The following PC variants were observed in gnomAD, a reference collection of about 807,000 sequenced individuals.
The protein encoded by PC is pyruvate carboxylase, mitochondrial.
A neutral mutation model predicts 107.8 loss-of-function variants in PC; 46 were observed. That is an observed-to-expected ratio of 0.43 (90% CI 0.34 to 0.55). The LOEUF is 0.55. Ranked by LOEUF, PC falls within the 20% of genes least tolerant of loss-of-function variation. The pLI is 0.04. For missense variants in PC, 1,241 were observed against 1,643.1 expected, an observed-to-expected ratio of 0.76 and a Z score of 4.23; for synonymous variants, 662 against 684.7, an observed-to-expected ratio of 0.97 and a Z score of 0.52.
chr11:66,932,638 G>A (rs901906517), intron 3 of PC, among the ~76,000 whole-genome samples: 1 of 152,136 alleles, frequency 6.6e-6, no homozygotes, highest in Admixed American at 6.5e-5. Context: ...ATCTGGCCCT[G>A]GGGGGAAAGC....
At chr11:66,899,608 CCTCCCAT>C (rs1375151787) in intron 3 of PC, among the ~76,000 whole-genome samples, 2 of 151,654 alleles carry the variant, frequency 1.3e-5, no homozygotes, top group East Asian at 2.0e-4. Context: ...CTCAAGCCAT[CCTCCCAT>C]GTGAGCCACC....
chr11:66,948,655 T>A (rs981026515), intron 3 of PC, among the ~76,000 whole-genome samples: 1 of 152,026 alleles, frequency 6.6e-6, no homozygotes, highest in Non-Finnish European at 1.5e-5. Flanking sequence ...GCCTGGGCAA[T>A]GTGGTGAAAC....
chr11:66,909,243 T>C lies in PC; in HGVS notation c.1-37084A>G, dbSNP rs12417067. 7.2e-3 allele frequency among the ~76,000 whole-genome samples: 1,091 copies of C among 152,302 alleles called. 10 individuals are homozygous for C. The highest frequency in any genetic ancestry group is 0.017 in the Middle Eastern group (5 of 294). ...CTTGAGATTTGCCTTCTGGCTGGTG[T>C]GCTGCTGGTGTGGGGCCAGAGCTGG... On this transcript the variant is annotated intron_variant, in intron 3 of 22. Coordinates refer to ENST00000393960, the MANE Select transcript of PC (RefSeq NM_001040716.2).
intron 3 of PC, among the ~76,000 whole-genome samples, chr11:66,905,727 G>C (rs1948143463): frequency 1.3e-5 from 2 of 152,294 alleles, no homozygotes; most frequent in South Asian, 2.1e-4. Context: ...GCATAGAAGT[G>C]ACAGCCAAAG....
chr11:66,871,582 C>T lies in PC; in HGVS notation c.322-102G>A, dbSNP rs916305029. Reference sequence around the variant, plus strand: ...ACCTGCTGAGCTGCATCCGTTTACCCACCCACGCACAGAGGCGCTGAGCAC... The same window carrying T: ...ACCTGCTGAGCTGCATCCGTTTACCTACCCACGCACAGAGGCGCTGAGCAC... On this transcript the variant is annotated intron_variant, in intron 5 of 22. Coordinates refer to ENST00000393960, the MANE Select transcript of PC (RefSeq NM_001040716.2). The surrounding 1 kb of genome is among the most constrained non-coding windows in gnomAD (Gnocchi z 7.4). 1.1e-5 allele frequency: 18 copies of T among 1,583,426 alleles called. No individual in the cohort carries two copies. Among genetic ancestry groups the T allele is most frequent in the Non-Finnish European group, 1.4e-5 (16 of 1,155,940 alleles).
chr11:66,898,149 G>T (rs1479870851), intron 3 of PC, among the ~76,000 whole-genome samples: 1 of 152,138 alleles, frequency 6.6e-6, no homozygotes, highest in Admixed American at 6.5e-5. Context: ...TTTTCTTCTG[G>T]AGCTGGGGTC....
intron 3 of PC, among the ~76,000 whole-genome samples, chr11:66,940,161 A>G (rs1013907517): frequency 1.8e-4 from 28 of 152,110 alleles, no homozygotes; most frequent in African/African-American, 6.5e-4. Context: ...GTATCTGATA[A>G]GGGATTAATA....
chr11:66,935,672 A>AC (rs1948980110), intron 3 of PC, among the ~76,000 whole-genome samples: 1 of 152,214 alleles, frequency 6.6e-6, no homozygotes, highest in Admixed American at 6.5e-5. Context: ...TGCTGCTGTC[A>AC]GAGCTTGGCT....
chr11:66,858,282 C>T lies in PC; in HGVS notation c.1369-4899G>A, dbSNP rs1457186927. On this transcript the variant is annotated intron_variant, in intron 12 of 22. Transcript: ENST00000393960. The surrounding 1 kb of genome is among the most constrained non-coding windows in gnomAD (Gnocchi z 5.9). ...GCACACCCTCAACCTGGACCATAAC[C>T]TTATTGACGCACTGCCCCCAGGCGC... 2 of 1,611,862 alleles carry T rather than the reference C, an allele frequency of 1.2e-6. No homozygotes were observed. Among genetic ancestry groups the T allele is most frequent in the Admixed American group, 1.7e-5 (1 of 60,024 alleles).
chr11:66,951,585 A>G (rs1479330096), intron 3 of PC, among the ~76,000 whole-genome samples: 1 of 152,050 alleles, frequency 6.6e-6, no homozygotes, highest in Non-Finnish European at 1.5e-5. Flanking sequence ...GTAAAATCCC[A>G]TCTCTACTAA....
In PC at chr11:66,850,927, G is replaced by A. The variant is rs750993796; in HGVS notation, c.2224-4C>T. ...GCTTCAGCAGCCCGGCCATGTCCTGGGGGAAGTGGGAGAGAGAGAGAGAGA... is the reference window on the plus strand; with the variant it reads ...GCTTCAGCAGCCCGGCCATGTCCTGAGGGAAGTGGGAGAGAGAGAGAGAGA... On this transcript the variant is annotated splice_polypyrimidine_tract_variant and splice_region_variant and intron_variant, in intron 17 of 22. Transcript: ENST00000393960. 6.2e-6 allele frequency: 10 copies of A among 1,608,342 alleles called. No individual in the cohort carries two copies. In the East Asian group the frequency reaches 2.2e-4, roughly 36 times the overall value.
rs1366727255 is a variant in PC, at chr11:66,867,529, C to G, written c.1023-1180G>C. Reference sequence around the variant, plus strand: ...CAGAGATGACAGCTTCCACTCAGTGCCACAGGCCAGGCTGCACTCCTCCCA... The same window carrying G: ...CAGAGATGACAGCTTCCACTCAGTGGCACAGGCCAGGCTGCACTCCTCCCA... On this transcript the variant is annotated intron_variant, in intron 10 of 22. Transcript: ENST00000393960. Among the ~76,000 whole-genome samples the G allele has an allele frequency of 2.6e-5, 4 of 152,306 alleles. No homozygotes were observed. The East Asian group carries it at 7.7e-4, about 29-fold the overall frequency.
chr11:66,944,353 C>A (rs1247607787), intron 3 of PC, among the ~76,000 whole-genome samples: 1 of 114,996 alleles, frequency 8.7e-6, no homozygotes, highest in African/African-American at 3.1e-5. Flanking sequence ...CCAAGGCAGG[C>A]GGATCACTTG....
Position 66,906,001 on chromosome 11 carries a change from T to C in PC, c.1-33842A>G, listed in dbSNP as rs1187220424. On this transcript the variant is annotated intron_variant, in intron 3 of 22. Coordinates refer to ENST00000393960, the MANE Select transcript of PC (RefSeq NM_001040716.2). ...GGTCTTAAGAGGGGCAAACAAATAC[T>C]GCTAGTATGTCACAGCACAGGAGCC... Among the ~76,000 whole-genome samples, 4 of 150,868 alleles carry C rather than the reference T, an allele frequency of 2.7e-5. No individual in the cohort carries two copies. The East Asian group carries it at 7.9e-4, about 30-fold the overall frequency.
chr11:66,872,975 T>G (rs1946801582), intron 3 of PC, among the ~76,000 whole-genome samples: 2 of 150,610 alleles, frequency 1.3e-5, no homozygotes, highest in Non-Finnish European at 2.9e-5. Context: ...AGACAGAGGT[T>G]GCAGTGAGCT....
intron 9 of PC, among the ~76,000 whole-genome samples, chr11:66,869,322 C>T (rs1946629168): frequency 6.6e-6 from 1 of 151,770 alleles, no homozygotes. Flanking sequence ...GACACGGAGA[C>T]CCAGGCCTCT....
At chr11:66,931,045 A>G (rs1235814386) in intron 3 of PC, among the ~76,000 whole-genome samples, 2 of 152,078 alleles carry the variant, frequency 1.3e-5, no homozygotes, top group Non-Finnish European at 2.9e-5. Flanking sequence ...TATCGGTGGG[A>G]AAACTAACAA....
intron 10 of PC, 49 bp downstream of exon 10, chr11:66,868,797 C>G (rs1269950738): frequency 6.8e-7 from 1 of 1,472,100 alleles, no homozygotes; most frequent in Admixed American, 1.7e-5. Flanking sequence ...GTACTTTATG[C>G]AAATCCTAGA....
intron 3 of PC, among the ~76,000 whole-genome samples, chr11:66,934,957 A>G (rs186552714): frequency 3.3e-5 from 5 of 152,280 alleles, no homozygotes; most frequent in African/African-American, 1.2e-4. Context: ...AGCAGGATCA[A>G]TGAGGTCATT....
Sources: gnomAD v4.1 joint callset for allele counts (sites outside exome capture counted in the v4.1 genomes callset) on GRCh38, gnomAD v4.1.1 for gene constraint, Gnocchi (gnomAD v3.1) non-coding constraint, MANE v1.5 for transcripts, NCBI Gene and HGNC (gene_info 2026-07-23, HGNC 2026-07-21) for gene names.